Variants in VAV2 observed in about 807,000 individuals in gnomAD.
VAV2 encodes vav guanine nucleotide exchange factor 2.
Under a neutral mutation model 132.5 loss-of-function variants are expected in VAV2, and 67 were observed. The ratio of observed to expected loss-of-function variants is 0.51; its 90% CI spans 0.42 to 0.62. The LOEUF is 0.62. VAV2 is among the 20% of genes least tolerant of loss of function. The pLI is 0.00. For missense variants in VAV2, 938 were observed against 1,153.6 expected (o/e 0.81, Z 2.71); for synonymous variants, 492 against 443.5 (o/e 1.11, Z -1.37).
intron 16 of VAV2, among the ~76,000 whole-genome samples, chr9:133,786,137 G>A (rs987750234): frequency 6.6e-6 from 1 of 152,232 alleles, no homozygotes; most frequent in Non-Finnish European, 1.5e-5. Context: ...ATACATATGC[G>A]CTTGTGCCTT....
chr9:133,830,150 A>C (rs1836207841), intron 4 of VAV2, among the ~76,000 whole-genome samples: 1 of 152,152 alleles, frequency 6.6e-6, no homozygotes, highest in Admixed American at 6.5e-5. Context: ...ACTTTCCCCA[A>C]ACAGCTGCAG....
intron 3 of VAV2, among the ~76,000 whole-genome samples, chr9:133,841,788 T>A (rs1836734563): frequency 6.6e-6 from 1 of 152,076 alleles, no homozygotes. Context: ...TGGGGGCCGG[T>A]AGTAGCAATT....
intron 1 of VAV2, among the ~76,000 whole-genome samples, chr9:133,957,068 A>G (rs1841806923): frequency 6.6e-6 from 1 of 152,048 alleles, no homozygotes; most frequent in African/African-American, 2.4e-5. Flanking sequence ...CAACGCCACC[A>G]GTGTCTCTCT....
chr9:133,889,462 TCCCCAAGGCCA>T (rs1395570742), intron 2 of VAV2, among the ~76,000 whole-genome samples: 1 of 151,924 alleles, frequency 6.6e-6, no homozygotes, highest in Non-Finnish European at 1.5e-5. Flanking sequence ...TTCCCTTCTC[TCCCCAAGGCCA>T]CCCTGAGACC....
intron 2 of VAV2, among the ~76,000 whole-genome samples, chr9:133,917,581 G>A (rs948833374): frequency 2.6e-5 from 4 of 152,046 alleles, no homozygotes; most frequent in African/African-American, 9.7e-5. Context: ...ATCCCACAGA[G>A]GCCATGCAGT....
At chr9:133,772,770 TGA>T (rs1049234292) in intron 25 of VAV2, among the ~76,000 whole-genome samples, 38 of 152,194 alleles carry the variant, frequency 2.5e-4, no homozygotes, top group African/African-American at 9.2e-4. Flanking sequence ...AGACCTGTCC[TGA>T]GAGATGCAGG....
At position 133,785,013 on chromosome 9, in the gene VAV2, G is replaced by T. The variant is rs185349392; in HGVS notation, c.1533-595C>A. The stretch of plus-strand genomic sequence containing the variant: ...GAGAAAATTACAGGCCATGGAAAGC[G>T]AGTGGCCGAAGAGAAGATGCCCCAG... On this transcript the variant is annotated intron_variant, in intron 17 of 29. Transcript: ENST00000371850. Among the ~76,000 whole-genome samples, 1,156 of 152,268 alleles carry T rather than the reference G, an allele frequency of 7.6e-3. 26 individuals are homozygous for T. Among genetic ancestry groups the T allele is most frequent in the Admixed American group, 0.043 (654 of 15,292 alleles).
chr9:133,914,860 C>T (rs919214234), intron 2 of VAV2, among the ~76,000 whole-genome samples: 36 of 13,622 alleles, frequency 2.6e-3, no homozygotes, highest in African/African-American at 9.8e-3. Flanking sequence ...TCTCTGTTGC[C>T]GTCCCACAGC....
At chr9:133,975,454 C>A (rs925994353) in intron 1 of VAV2, among the ~76,000 whole-genome samples, 4 of 152,220 alleles carry the variant, frequency 2.6e-5, no homozygotes. Context: ...ACTTGCCAGC[C>A]CTGGGCAGAG....
chr9:133,979,499 G>A (rs1380543420), intron 1 of VAV2, among the ~76,000 whole-genome samples: 3 of 152,170 alleles, frequency 2.0e-5, no homozygotes, highest in Non-Finnish European at 4.4e-5. Context: ...AGGAAGGAGC[G>A]GACGCCGCAG....
chr9:133,817,330 C>T (rs372472754), intron 4 of VAV2, among the ~76,000 whole-genome samples: 13 of 152,212 alleles, frequency 8.5e-5, no homozygotes, highest in African/African-American at 3.1e-4. Flanking sequence ...CCCTTCTTTC[C>T]AGGCTTCTTT....
At chr9:133,951,554 G>A (rs1232527665) in intron 1 of VAV2, among the ~76,000 whole-genome samples, 3 of 152,102 alleles carry the variant, frequency 2.0e-5, no homozygotes, top group Non-Finnish European at 4.4e-5. Flanking sequence ...GCCCATATGT[G>A]GGAGCTGGGA....
rs895637398 is a variant in VAV2, at chr9:133,768,241, G to A, written c.2589+201C>T. On this transcript the variant is annotated intron_variant, in intron 29 of 29. Transcript: ENST00000371850. The surrounding 1 kb of genome is among the most constrained non-coding windows in gnomAD (Gnocchi z 5.3). ...CCGATTTCTGGCTGTGTGACCTTGG[G>A]TTCGTGGTAAACATCTGGAGCCTCG... Among the ~76,000 whole-genome samples the A allele has an allele frequency of 6.6e-6, 1 of 152,178 alleles. No homozygotes were observed. The highest frequency in any genetic ancestry group is 2.4e-5 in the African/African-American group (1 of 41,434).
intron 4 of VAV2, among the ~76,000 whole-genome samples, chr9:133,831,756 G>A (rs1836274368): frequency 6.6e-6 from 1 of 152,238 alleles, no homozygotes; most frequent in Non-Finnish European, 1.5e-5. Flanking sequence ...GGTAACTTAG[G>A]AGAAATAGCA....
At chr9:133,895,317 A>G (rs1296129235) in intron 2 of VAV2, among the ~76,000 whole-genome samples, 4 of 152,142 alleles carry the variant, frequency 2.6e-5, no homozygotes, top group Non-Finnish European at 5.9e-5. Context: ...GGGAGGCAGG[A>G]GGCCACCATT....
Position 133,991,416 on chromosome 9 carries a change from G to C in VAV2, c.204+659C>G, listed in dbSNP as rs376754246. ...CGCCCGAAGGAGGGGTGGGGGTGTT[G>C]GGAAAGCGATGGGGGCCAGGACTGG... On this transcript the variant is annotated intron_variant, in intron 1 of 29. Coordinates refer to ENST00000371850, the MANE Select transcript of VAV2 (RefSeq NM_001134398.2). This position sits in a 1 kb window ranked among gnomAD's most constrained non-coding sequence, Gnocchi z 4.8. 6.6e-6 allele frequency among the ~76,000 whole-genome samples: 1 copy of C among 152,218 alleles called. No homozygotes were observed. The highest frequency in any genetic ancestry group is 1.5e-5 in the Non-Finnish European group (1 of 68,024).
At chr9:133,847,610 C>A (rs973534252) in intron 3 of VAV2, among the ~76,000 whole-genome samples, 1 of 152,184 alleles carries the variant, frequency 6.6e-6, no homozygotes, top group African/African-American at 2.4e-5. Flanking sequence ...GAACCCTGGC[C>A]CCCTGACTCC....
chr9:133,830,005 C>T (rs1836202485), intron 4 of VAV2, among the ~76,000 whole-genome samples: 1 of 152,124 alleles, frequency 6.6e-6, no homozygotes, highest in African/African-American at 2.4e-5. Context: ...TAGGAACCAG[C>T]TGACGATGGA....
rs919591969 is a variant in VAV2, at chr9:133,884,482, C to T, written c.322-23050G>A. 1.7e-4 allele frequency among the ~76,000 whole-genome samples: 26 copies of T among 152,168 alleles called. No homozygotes were observed. The highest frequency in any genetic ancestry group is 3.9e-4 in the Admixed American group (6 of 15,288). ...GGGAGGGGGGTGCCAGCCTGGGGGG[C>T]GTGGTGGGGACTCCGCAAGCACTCA... is the stretch of plus-strand genomic sequence containing the variant. On this transcript the variant is annotated intron_variant, in intron 2 of 29. Coordinates refer to ENST00000371850, the MANE Select transcript of VAV2 (RefSeq NM_001134398.2). This position sits in a 1 kb window ranked among gnomAD's most constrained non-coding sequence, Gnocchi z 5.3.
Sources: gnomAD v4.1 joint callset for allele counts (sites outside exome capture counted in the v4.1 genomes callset) on GRCh38, gnomAD v4.1.1 for gene constraint, Gnocchi (gnomAD v3.1) non-coding constraint, MANE v1.5 for transcripts, NCBI Gene and HGNC (gene_info 2026-07-23, HGNC 2026-07-21) for gene names.